Variants in SIGLEC12 observed in about 807,000 individuals in gnomAD.
The protein encoded by SIGLEC12 is sialic acid-binding Ig-like lectin 12.
Under a neutral mutation model 54.1 loss-of-function variants are expected in SIGLEC12, and 43 were observed. That is an observed-to-expected ratio of 0.80 (90% CI 0.62 to 1.03). The LOEUF (loss-of-function observed/expected upper bound fraction) is 1.03. Among genes scored for constraint, SIGLEC12 ranks in the 50% least tolerant of loss-of-function variants. The pLI is 0.00. For synonymous variants in SIGLEC12, 357 were observed against 307.6 expected, an observed-to-expected ratio of 1.16 and a Z score of -1.68; for missense variants, 802 against 735.2, an observed-to-expected ratio of 1.09 and a Z score of -1.05.
chr19:51,494,095 G>A (rs57321474), intron 7 of SIGLEC12, among the ~76,000 whole-genome samples: 55,975 of 151,926 alleles, frequency 0.37, 10,426 homozygotes, highest in Middle Eastern at 0.54. Context: ...TCTGTCTGGA[G>A]TGCTCTTCAA....
intron 6 of SIGLEC12, 38 bp downstream of exon 6, chr19:51,497,311 C>T: frequency 6.4e-7 from 1 of 1,573,350 alleles, no homozygotes; most frequent in Non-Finnish European, 8.7e-7. Flanking sequence ...CCAGCCTGCC[C>T]TCCCCCAAGG....
chr19:51,499,780 G>T, intron 2 of SIGLEC12, 64 bp from the exon 3 acceptor site: 1 of 1,585,878 alleles, frequency 6.3e-7, no homozygotes, highest in Non-Finnish European at 8.6e-7. Flanking sequence ...TGCTGAGGAG[G>T]CTCAGGCTCT....
chr19:51,497,907 G>T, intron 5 of SIGLEC12, 111 bp downstream of exon 5: 1 of 1,448,034 alleles, frequency 6.9e-7, no homozygotes, highest in South Asian at 1.3e-5. Flanking sequence ...CTCACTGCTT[G>T]GCAGCAAGAG....
At chr19:51,500,498 G>T in intron 1 of SIGLEC12, 198 bp from the exon 2 acceptor site, 2 of 871,174 alleles carry the variant, frequency 2.3e-6, no homozygotes, top group Non-Finnish European at 3.5e-6. Context: ...GCATGGAAGA[G>T]AAACTGCAAA....
At position 51,499,715 on chromosome 19, in the gene SIGLEC12, G is replaced by A; in HGVS notation, c.810C>T (p.Ala270=). ...TGGAGAAGGTGGGCATGTGAGTCAGGGCTGGTGATGAAAGGGAGACAGGCA... is the reference window on the plus strand; with the variant it reads ...TGGAGAAGGTGGGCATGTGAGTCAGAGCTGGTGATGAAAGGGAGACAGGCA... ...IYDKLSVHVT[A]LTHMPTFSIP... Residue 270 remains alanine (A), a splice_region_variant and synonymous_variant, in exon 3 of 8, where the codon GCC becomes GCT. Coordinates refer to ENST00000291707, the MANE Select transcript of SIGLEC12 (RefSeq NM_053003.4). 6.2e-7 allele frequency: 1 copy of A among 1,613,816 alleles called. No individual in the cohort carries two copies. Among genetic ancestry groups the A allele is most frequent in the Non-Finnish European group, 8.5e-7 (1 of 1,179,890 alleles).
At chr19:51,492,359 G>A (rs566863672) in intron 7 of SIGLEC12, among the ~76,000 whole-genome samples, 5 of 152,348 alleles carry the variant, frequency 3.3e-5, no homozygotes, top group Non-Finnish European at 7.3e-5. Context: ...GAGGGCAAGT[G>A]AGAGAGAATT....
At chr19:51,495,159 G>A (rs907664093) in intron 7 of SIGLEC12, among the ~76,000 whole-genome samples, 30 of 143,088 alleles carry the variant, frequency 2.1e-4, no homozygotes, top group African/African-American at 7.2e-4. Context: ...ATGGATGGAC[G>A]GGTGGGTGGG....
Position 51,497,402 on chromosome 19 carries a change from C to T in SIGLEC12, c.1449G>A (p.Gly483=), listed in dbSNP as rs779575802. 2.5e-6 allele frequency: 4 copies of T among 1,613,256 alleles called. No individual in the cohort carries two copies. Among genetic ancestry groups the T allele is most frequent in the Non-Finnish European group, 3.4e-6 (4 of 1,179,368 alleles). The change falls in exon 6 of 8, where the codon GGG becomes GGA. Residue 483 remains glycine, a synonymous_variant. Coordinates refer to ENST00000291707, the MANE Select transcript of SIGLEC12 (RefSeq NM_053003.4). ...AGACCAGGGCTGTGGCTCCAGCTCC[C>T]CCGAATGCCCCTAGCGTCACTCCTG... ...PISGVTLGAF[G]GAGATALVFL... is the part of the protein sequence containing the mutation.
At chr19:51,495,357 A>G (rs1269461399) in intron 7 of SIGLEC12, among the ~76,000 whole-genome samples, 8 of 50,752 alleles carry the variant, frequency 1.6e-4, no homozygotes, top group South Asian at 8.7e-4. Context: ...GGATGGACAG[A>G]CGGGTGGGTG....
chr19:51,492,647 G>A (rs1990137514), intron 7 of SIGLEC12, among the ~76,000 whole-genome samples: 1 of 152,202 alleles, frequency 6.6e-6, no homozygotes, highest in Admixed American at 6.5e-5. Flanking sequence ...CTTACAAGTA[G>A]TGAAAGGAGG....
At chr19:51,499,052 G>A (rs915820620) in intron 4 of SIGLEC12, 118 bp downstream of exon 4, 6 of 1,022,246 alleles carry the variant, frequency 5.9e-6, no homozygotes, top group African/African-American at 1.6e-5. Flanking sequence ...CTGAGGCTGA[G>A]GGAGGGGGGG....
At chr19:51,496,765 G>T in intron 7 of SIGLEC12, 115 bp downstream of exon 7, 1 of 1,152,494 alleles carries the variant, frequency 8.7e-7, no homozygotes, top group Non-Finnish European at 1.3e-6. Context: ...AAGTGGACAG[G>T]ACGTGATTTT....
intron 2 of SIGLEC12, 67 bp downstream of exon 2, chr19:51,499,853 C>T: frequency 6.5e-7 from 1 of 1,549,162 alleles, no homozygotes; most frequent in Non-Finnish European, 8.7e-7. Context: ...GATGGGGGTC[C>T]CACCTCAGCC....
chr19:51,498,089 G>A lies in SIGLEC12; in HGVS notation c.1334C>T (p.Thr445Ile). The change falls in exon 5 of 8, where the codon ACC becomes ATC. Residue 445 changes from threonine to isoleucine, a missense_variant. Physicochemically the swap from Thr to Ile is moderately conservative, Grantham distance 89. Transcript: ENST00000291707. ...RVHVKDEGEF[T>I]CRAQNPLGSQ... The stretch of plus-strand genomic sequence containing the variant: ...GCCTAGAGGGTTCTGAGCTCGGCAG[G>A]TGAATTCCCCTTCATCCTTCACATG... The A allele has an allele frequency of 3.7e-6, 6 of 1,614,238 alleles. No individual in the cohort carries two copies. The highest frequency in any genetic ancestry group is 1.1e-5 in the South Asian group (1 of 91,084).
rs777364352 is a variant in SIGLEC12, at chr19:51,499,531, G to T, written c.994C>A (p.Gln332Lys). 6.2e-7 allele frequency: 1 copy of T among 1,610,936 alleles called. No homozygotes were observed. The highest frequency in any genetic ancestry group is 1.7e-5 in the Admixed American group (1 of 59,496). Residue 332 changes from glutamine to lysine, a missense_variant, in exon 3 of 8, where the codon CAG becomes AAG. Physicochemically the swap from Gln to Lys is moderately conservative, Grantham distance 53 (BLOSUM62 1). Transcript: ENST00000291707. Reference sequence around the variant, plus strand: ...AGGCTGGTGCCATGGTCCTGGGGCTGTGGGATGAGGCTGAGCATCGAGGAG... The same window carrying T: ...AGGCTGGTGCCATGGTCCTGGGGCTTTGGGATGAGGCTGAGCATCGAGGAG... ...TRSSMLSLIP[Q>K]PQDHGTSLTC... is the part of the protein sequence containing the mutation.
Position 51,491,627 on chromosome 19 carries a change from G to A in SIGLEC12, c.*14C>T, listed in dbSNP as rs900841380. On this transcript the variant is annotated 3_prime_UTR_variant, in exon 8 of 8. Coordinates refer to ENST00000291707, the MANE Select transcript of SIGLEC12 (RefSeq NM_053003.4). ...GTCGTGAGCCCTCAAACAGGCCTGA[G>A]TCTCTGCAGTTTCTCACTTGGGGAT... 2.5e-6 allele frequency: 4 copies of A among 1,613,766 alleles called. No individual in the cohort carries two copies. The highest frequency in any genetic ancestry group is 3.4e-6 in the Non-Finnish European group (4 of 1,179,848).
chr19:51,498,326 T>C (rs1448043861), intron 4 of SIGLEC12, 39 bp from the exon 5 acceptor site: 1 of 1,537,972 alleles, frequency 6.5e-7, no homozygotes, highest in Admixed American at 1.9e-5. Flanking sequence ...AGAGACAAAG[T>C]GATCGAGGCA....
At chr19:51,500,833 T>C (rs965847342) in intron 1 of SIGLEC12, among the ~76,000 whole-genome samples, 3 of 151,830 alleles carry the variant, frequency 2.0e-5, no homozygotes, top group African/African-American at 7.3e-5. Context: ...CAGGAAGTGC[T>C]TCCTCCCTGG....
intron 3 of SIGLEC12, 93 bp downstream of exon 3, chr19:51,499,345 T>A: frequency 6.4e-7 from 1 of 1,560,960 alleles, no homozygotes; most frequent in South Asian, 1.2e-5. Context: ...CCAGCCAAGA[T>A]TCCAGGACCC....
Sources: allele counts gnomAD v4.1 joint callset (sites outside exome capture counted in the v4.1 genomes callset), GRCh38; gene constraint gnomAD v4.1.1; transcripts MANE v1.5; gene names NCBI Gene and HGNC (gene_info 2026-07-23, HGNC 2026-07-21).